TMTC2: variants seen among roughly 807,000 people sequenced by gnomAD.
TMTC2 encodes the protein transmembrane O-mannosyltransferase targeting cadherins 2.
In TMTC2, 43 loss-of-function variants were observed where a neutral mutation model predicts 82.4. The ratio of observed to expected loss-of-function variants is 0.52; its 90% confidence interval spans 0.41 to 0.67. The LOEUF (loss-of-function observed/expected upper bound fraction) is 0.67. TMTC2 is among the 30% of genes least tolerant of loss of function. TMTC2 has a pLI of 0.00. For synonymous variants in TMTC2, 408 were observed against 381.9 expected, an observed-to-expected ratio of 1.07 and a Z score of -0.80; for missense variants, 919 against 1,012.4, an observed-to-expected ratio of 0.91 and a Z score of 1.25.
At chr12:83,116,770 T>C (rs1884776303) in intron 11 of TMTC2, among the ~76,000 whole-genome samples, 1 of 152,160 alleles carries the variant, frequency 6.6e-6, no homozygotes, top group East Asian at 1.9e-4. Flanking sequence ...TTAGCCCACT[T>C]TTTGATGGGA....
intron 4 of TMTC2, among the ~76,000 whole-genome samples, chr12:82,931,513 T>C (rs371619777): frequency 6.6e-6 from 1 of 152,194 alleles, no homozygotes; most frequent in Non-Finnish European, 1.5e-5. Context: ...TTGTCTCTTA[T>C]ATTTATGAGA....
chr12:82,827,867 T>A (rs565263898), intron 1 of TMTC2, among the ~76,000 whole-genome samples: 3 of 151,856 alleles, frequency 2.0e-5, no homozygotes, highest in Admixed American at 2.0e-4. Flanking sequence ...CCAGCTTATT[T>A]TTTTTTCTTT....
At chr12:83,017,896 G>T (rs1417876540) in intron 8 of TMTC2, among the ~76,000 whole-genome samples, 1 of 151,228 alleles carries the variant, frequency 6.6e-6, no homozygotes, top group East Asian at 1.9e-4. Context: ...TAGAACTTAG[G>T]TTTCAGTTAT....
intron 1 of TMTC2, among the ~76,000 whole-genome samples, chr12:82,741,346 T>C (rs1159324652): frequency 6.6e-6 from 1 of 152,202 alleles, no homozygotes; most frequent in African/African-American, 2.4e-5. Context: ...AATCTTGCTC[T>C]GTTGCCCAGG....
chr12:83,067,076 C>T (rs1882945675), intron 11 of TMTC2, among the ~76,000 whole-genome samples: 1 of 151,830 alleles, frequency 6.6e-6, no homozygotes. Flanking sequence ...GGAATTTCTA[C>T]ATTTTAAATT....
rs116361261 is a variant in TMTC2, at chr12:83,045,245, A to G, written c.2153-5659A>G. On this transcript the variant is annotated intron_variant, in intron 9 of 11. Transcript: ENST00000321196. ...TTATATCATCTGGTTTTCCCTACTC[A>G]AATTACTTTAAAAAATAATTTCTCA... Among the ~76,000 whole-genome samples, 424 of 152,250 alleles carry G rather than the reference A, an allele frequency of 2.8e-3. 2 individuals carry two copies. Among genetic ancestry groups the G allele is most frequent in the African/African-American group, 9.6e-3 (400 of 41,546 alleles).
At chr12:82,950,257 A>G (rs960963475) in intron 4 of TMTC2, among the ~76,000 whole-genome samples, 1 of 152,190 alleles carries the variant, frequency 6.6e-6, no homozygotes, top group South Asian at 2.1e-4. Context: ...TGCTAATTGC[A>G]AGGGTGGAAA....
In TMTC2 at chr12:82,876,063, G is replaced by A. The variant is rs1202188905; in HGVS notation, c.654+18483G>A. 2.0e-3 allele frequency among the ~76,000 whole-genome samples: 222 copies of A among 112,588 alleles called. 7 individuals are homozygous for A. The highest frequency in any genetic ancestry group is 6.8e-3 in the African/African-American group (171 of 25,288). The allele number at this position is 112,588 out of a possible 152,430, so 73.9% of individuals were successfully genotyped here. ...GGTGGTGGTGGTGGTGGTGGTGGTG[G>A]TGGTGATGATGATGATGGTGATTAG... On this transcript the variant is annotated intron_variant, in intron 2 of 11. Transcript: ENST00000321196.
chr12:82,852,042 G>A (rs1313778350), intron 1 of TMTC2, among the ~76,000 whole-genome samples: 1 of 151,346 alleles, frequency 6.6e-6, no homozygotes, highest in Non-Finnish European at 1.5e-5. Context: ...AAAACAAAGA[G>A]CCACAAATGA....
chr12:82,727,117 AC>A (rs948327092), intron 1 of TMTC2, among the ~76,000 whole-genome samples: 22 of 151,964 alleles, frequency 1.4e-4, no homozygotes, highest in African/African-American at 2.9e-4. Flanking sequence ...GAAAAAAAAA[AC>A]AACCAGAAAA....
At chr12:82,804,119 G>A (rs181244296) in intron 1 of TMTC2, among the ~76,000 whole-genome samples, 5 of 152,192 alleles carry the variant, frequency 3.3e-5, no homozygotes, top group Admixed American at 3.3e-4. Context: ...AGGAAGAACT[G>A]GAAAGAAGAG....
At chr12:83,051,177 A>G (rs1375621788) in intron 10 of TMTC2, among the ~76,000 whole-genome samples, 159 bp downstream of exon 10, 1 of 152,192 alleles carries the variant, frequency 6.6e-6, no homozygotes, top group Non-Finnish European at 1.5e-5. Context: ...ATTATAGGCT[A>G]TTCAAGCTTA....
rs1416533021 is a variant in TMTC2 at position 82,716,193 on chromosome 12, TAAATA to T, written c.83+28525_83+28529del. Reference sequence around the variant, plus strand: ...CAAATGGCAACTTGATATGCTAGTTTAAATACTGTCTTCTAAAGAGCAAGCTTTTT... The same window carrying T: ...CAAATGGCAACTTGATATGCTAGTTTCTGTCTTCTAAAGAGCAAGCTTTTT... On this transcript the variant is annotated intron_variant, in intron 1 of 11. Transcript: ENST00000321196. 2.0e-5 allele frequency among the ~76,000 whole-genome samples: 3 copies of T among 152,308 alleles called. No individual in the cohort carries two copies. In the East Asian group the frequency reaches 5.8e-4, roughly 29 times the overall value.
chr12:82,717,533 G>A (rs986120138), intron 1 of TMTC2, among the ~76,000 whole-genome samples: 1 of 151,994 alleles, frequency 6.6e-6, no homozygotes, highest in African/African-American at 2.4e-5. Flanking sequence ...ACCCAGCCCG[G>A]CAAAAGGTAT....
rs1347483821 is a variant in TMTC2 at position 82,896,034 on chromosome 12, A to G, written c.871A>G (p.Ser291Gly). The change falls in exon 3 of 12, where the codon AGT becomes GGT. Residue 291 changes from serine (S) to glycine (G), a missense_variant. Physicochemically the swap from Ser to Gly is moderately conservative, Grantham distance 56. Transcript: ENST00000321196. Reference protein sequence around the residue: ...LWLLLCPDTLSFDWSMDAVPL... With the variant: ...LWLLLCPDTLGFDWSMDAVPL... Reference sequence around the variant, plus strand: ...GCTGTTGCTATGTCCAGATACCCTCAGTTTTGATTGGTCAATGGATGCTGT... The same window carrying G: ...GCTGTTGCTATGTCCAGATACCCTCGGTTTTGATTGGTCAATGGATGCTGT... 4.3e-6 allele frequency: 7 copies of G among 1,613,910 alleles called. No homozygotes were observed. Among genetic ancestry groups the G allele is most frequent in the Admixed American group, 3.3e-5 (2 of 59,972 alleles).
At chr12:83,130,344 G>A (rs1233785631) in intron 11 of TMTC2, among the ~76,000 whole-genome samples, 2 of 152,182 alleles carry the variant, frequency 1.3e-5, no homozygotes, top group Non-Finnish European at 2.9e-5. Context: ...GACAGAGTAG[G>A]TGGTGGTATT....
At chr12:83,074,394 G>A (rs1883216964) in intron 11 of TMTC2, among the ~76,000 whole-genome samples, 1 of 152,092 alleles carries the variant, frequency 6.6e-6, no homozygotes, top group South Asian at 2.1e-4. Context: ...ACTCTTTGAG[G>A]GTTCTTAGCT....
At chr12:82,735,626 T>G (rs1469893836) in intron 1 of TMTC2, among the ~76,000 whole-genome samples, 2 of 150,924 alleles carry the variant, frequency 1.3e-5, no homozygotes, top group African/African-American at 4.8e-5. Context: ...ATTACAGGCG[T>G]GAGCCACCGC....
chr12:82,806,895 G>A (rs1384278955), intron 1 of TMTC2, among the ~76,000 whole-genome samples: 1 of 152,056 alleles, frequency 6.6e-6, no homozygotes, highest in Non-Finnish European at 1.5e-5. Context: ...TTGTTGTTCA[G>A]GGTCAGCTGT....
Sources: gnomAD v4.1 joint callset for allele counts (sites outside exome capture counted in the v4.1 genomes callset) on GRCh38, gnomAD v4.1.1 for gene constraint, MANE v1.5 for transcripts, NCBI Gene and HGNC (gene_info 2026-07-23, HGNC 2026-07-21) for gene names.